The following ABHD17B variants were observed in gnomAD, a reference collection of about 807,000 sequenced individuals.
ABHD17B encodes the protein alpha/beta hydrolase domain-containing protein 17B.
ABHD17B carries 9 observed loss-of-function variants against 26.2 expected under a neutral mutation model. The observed-to-expected ratio is 0.34, with a 90% CI of 0.21 to 0.60. The LOEUF (loss-of-function observed/expected upper bound fraction) is 0.60. ABHD17B is among the 20% of genes least tolerant of loss of function. The probability of loss-of-function intolerance (pLI) is 0.80; values close to 1 mark genes in which losing one functional copy is unlikely to be tolerated. For synonymous variants in ABHD17B, 127 were observed against 122.3 expected (o/e 1.04, Z -0.25); for missense variants, 224 against 352.1 (o/e 0.64, Z 2.91).
intron 3 of ABHD17B, among the ~76,000 whole-genome samples, 192 bp from the exon 4 acceptor site, chr9:71,867,198 AG>A (rs1425679707): frequency 6.6e-6 from 1 of 152,164 alleles, no homozygotes; most frequent in Non-Finnish European, 1.5e-5. Context: ...AGATTATCTG[AG>A]GAAGTTATTT....
chr9:71,885,879 T>G (rs1164576318), intron 1 of ABHD17B, among the ~76,000 whole-genome samples: 1 of 152,218 alleles, frequency 6.6e-6, no homozygotes, highest in Non-Finnish European at 1.5e-5. Flanking sequence ...ATATTACTAC[T>G]AATTATTATA....
intron 1 of ABHD17B, among the ~76,000 whole-genome samples, chr9:71,900,996 CA>C (rs1357666991): frequency 6.6e-6 from 1 of 151,858 alleles, no homozygotes. Flanking sequence ...AAAAAAAATA[CA>C]AAAAATTAGC....
At chr9:71,863,019 T>A (rs1163753996), downstream of ABHD17B, among the ~76,000 whole-genome samples, 1 of 151,558 alleles carries the variant, frequency 6.6e-6, no homozygotes, top group Non-Finnish European at 1.5e-5. Context: ...AAAAAAAAAA[T>A]CTATGGTATA....
At chr9:71,905,192 G>A (rs546877584) in intron 1 of ABHD17B, among the ~76,000 whole-genome samples, 17 of 151,220 alleles carry the variant, frequency 1.1e-4, no homozygotes, top group East Asian at 7.8e-4. Context: ...GCGCGATCTC[G>A]GCTCACTGCA....
intron 2 of ABHD17B, among the ~76,000 whole-genome samples, chr9:71,870,953 T>C (rs1254131210): frequency 1.3e-5 from 2 of 152,198 alleles, no homozygotes; most frequent in African/African-American, 4.8e-5. Context: ...GCCACAGGTT[T>C]AAATAGATGA....
intron 1 of ABHD17B, among the ~76,000 whole-genome samples, chr9:71,878,802 G>A (rs886434968): frequency 8.0e-4 from 122 of 152,124 alleles, no homozygotes; most frequent in African/African-American, 2.7e-3. Flanking sequence ...ACAAAAACTC[G>A]TAAGACTTAA....
At chr9:71,880,387 TAAATACA>T (rs1163536038) in intron 1 of ABHD17B, among the ~76,000 whole-genome samples, 3 of 151,912 alleles carry the variant, frequency 2.0e-5, no homozygotes, top group Non-Finnish European at 2.9e-5. Context: ...AAAGTGTATA[TAAATACA>T]AAATACAAAA....
chr9:71,892,388 C>T (rs1826811703), intron 1 of ABHD17B, among the ~76,000 whole-genome samples: 1 of 151,878 alleles, frequency 6.6e-6, no homozygotes, highest in African/African-American at 2.4e-5. Context: ...AAAAAATTAG[C>T]CAGGCGTGGT....
At chr9:71,901,034 C>G (rs548994710) in intron 1 of ABHD17B, among the ~76,000 whole-genome samples, 1 of 152,198 alleles carries the variant, frequency 6.6e-6, no homozygotes, top group East Asian at 1.9e-4. Flanking sequence ...CGCCTGTAGT[C>G]CCAGCTACTC....
intron 2 of ABHD17B, among the ~76,000 whole-genome samples, chr9:71,871,484 G>C (rs3780614): frequency 0.12 from 17,743 of 152,192 alleles, 1,188 homozygotes; most frequent in Middle Eastern, 0.15. Context: ...TACGAATGAA[G>C]AAATTAGGAG....
intron 2 of ABHD17B, among the ~76,000 whole-genome samples, chr9:71,871,709 C>T (rs1826119815): frequency 6.6e-6 from 1 of 152,146 alleles, no homozygotes; most frequent in Non-Finnish European, 1.5e-5. Flanking sequence ...GTTTAGAGAC[C>T]ATCTAATCTA....
chr9:71,904,160 T>C (rs1827218266), intron 1 of ABHD17B, among the ~76,000 whole-genome samples: 1 of 152,256 alleles, frequency 6.6e-6, no homozygotes, highest in South Asian at 2.1e-4. Context: ...TATGTTTTCT[T>C]TTATTCCAAA....
chr9:71,903,245 A>G (rs190740534), intron 1 of ABHD17B, among the ~76,000 whole-genome samples: 536 of 152,084 alleles, frequency 3.5e-3, no homozygotes, highest in African/African-American at 0.012. Flanking sequence ...TGTGTTTGCT[A>G]CATGCATAGA....
chr9:71,905,532 A>C (rs1286436975), intron 1 of ABHD17B, among the ~76,000 whole-genome samples: 2 of 152,180 alleles, frequency 1.3e-5, no homozygotes, highest in Non-Finnish European at 2.9e-5. Context: ...TGCATTATGG[A>C]CTGGAAGTTG....
Position 71,866,152 on chromosome 9 carries a change from G to A in ABHD17B, c.*635C>T, listed in dbSNP as rs1825950855. On this transcript the variant is annotated 3_prime_UTR_variant, in exon 4 of 4. Transcript: ENST00000333421. ...GCTATCATGACTTCTCATTTACAAGGTAACTCATTGGTAAATTAATAGATG... is the reference window on the plus strand; with the variant it reads ...GCTATCATGACTTCTCATTTACAAGATAACTCATTGGTAAATTAATAGATG... 3 of 984,532 alleles carry A rather than the reference G, an allele frequency of 3.0e-6. No individual in the cohort carries two copies. In the South Asian group the frequency reaches 1.4e-4, roughly 46 times the overall value. 61.0% of individuals were successfully genotyped at this position (984,532 alleles called of 1,614,324 possible). A position where few individuals can be genotyped will look rare whatever the true frequency, so the allele number is the denominator to read the frequency against.
intron 1 of ABHD17B, among the ~76,000 whole-genome samples, chr9:71,896,681 AACAC>A (rs147044015): frequency 6.1e-5 from 9 of 147,596 alleles, no homozygotes; most frequent in Admixed American, 1.4e-4. Flanking sequence ...CTTCTACCAA[AACAC>A]ACACACACAC....
intron 1 of ABHD17B, among the ~76,000 whole-genome samples, chr9:71,893,998 G>A (rs1826874617): frequency 6.8e-6 from 1 of 146,706 alleles, no homozygotes. Context: ...GCTGAGGCAA[G>A]AGAATGGTGT....
At chr9:71,880,048 T>C (rs1228537608) in intron 1 of ABHD17B, among the ~76,000 whole-genome samples, 2 of 152,170 alleles carry the variant, frequency 1.3e-5, no homozygotes, top group African/African-American at 4.8e-5. Flanking sequence ...AGACATAGTT[T>C]CTAGAAATGA....
rs1478074744 is a variant in ABHD17B at position 71,865,539 on chromosome 9, A to G, written c.*1248T>C. Reference sequence around the variant, plus strand: ...GAGTGAATCCATGAAATTCTCAGATAGTAATCCAAAACAATAGGTCCTATT... The same window carrying G: ...GAGTGAATCCATGAAATTCTCAGATGGTAATCCAAAACAATAGGTCCTATT... On this transcript the variant is annotated 3_prime_UTR_variant, in exon 4 of 4. Coordinates refer to ENST00000333421, the MANE Select transcript of ABHD17B (RefSeq NM_001025780.3). 1 of 985,192 alleles carries G rather than the reference A, an allele frequency of 1.0e-6. No homozygotes were observed. The highest frequency in any genetic ancestry group is 1.7e-5 in the African/African-American group (1 of 57,206). 61.0% of individuals were successfully genotyped at this position (985,192 alleles called of 1,614,324 possible).
Sources: gnomAD v4.1 joint callset for allele counts (sites outside exome capture counted in the v4.1 genomes callset) on GRCh38, gnomAD v4.1.1 for gene constraint, MANE v1.5 for transcripts, NCBI Gene and HGNC (gene_info 2026-07-23, HGNC 2026-07-21) for gene names.